DLGAP1: variants seen among roughly 807,000 people sequenced by gnomAD.
DLGAP1 encodes the protein DLG associated protein 1.
DLGAP1 carries 11 observed loss-of-function variants against 90.8 expected under a neutral mutation model. The ratio of observed to expected loss-of-function variants is 0.12; its 90% confidence interval spans 0.08 to 0.20. The LOEUF is 0.20. Among genes scored for constraint, DLGAP1 ranks in the 10% least tolerant of loss-of-function variants. The pLI is 1.00. For synonymous variants in DLGAP1, 558 were observed against 540.7 expected (o/e 1.03, Z -0.44); for missense variants, 1,050 against 1,333.8 (o/e 0.79, Z 3.31).
intron 1 of DLGAP1, among the ~76,000 whole-genome samples, chr18:4,367,849 AG>A (rs199822797): frequency 1.2e-4 from 18 of 151,522 alleles, no homozygotes; most frequent in African/African-American, 1.9e-4. Flanking sequence ...ACTCCATCTC[AG>A]AAAAAAAAAA....
chr18:4,108,643 G>T (rs1382491303), intron 2 of DLGAP1, among the ~76,000 whole-genome samples: 2 of 151,910 alleles, frequency 1.3e-5, no homozygotes, highest in Non-Finnish European at 2.9e-5. Context: ...GATTGGAAAT[G>T]ACTTCCTGTT....
intron 1 of DLGAP1, among the ~76,000 whole-genome samples, chr18:4,322,009 G>A (rs1324209576): frequency 6.6e-6 from 1 of 151,970 alleles, no homozygotes; most frequent in African/African-American, 2.4e-5. Context: ...AGACCAGCCT[G>A]GTCAACGTGG....
chr18:3,793,875 CCTT>C (rs2065862594), intron 5 of DLGAP1, among the ~76,000 whole-genome samples: 1 of 152,128 alleles, frequency 6.6e-6, no homozygotes, highest in Non-Finnish European at 1.5e-5. Context: ...TTAACTTTTT[CCTT>C]CTTAGCCGTT....
chr18:4,067,272 C>T (rs530845000), intron 2 of DLGAP1, among the ~76,000 whole-genome samples: 192 of 151,756 alleles, frequency 1.3e-3, no homozygotes, highest in Non-Finnish European at 1.8e-3. Context: ...CAACAGACAC[C>T]CATGACACAA....
At chr18:3,749,182 C>A (rs1291033307) in intron 5 of DLGAP1, among the ~76,000 whole-genome samples, 2 of 134,444 alleles carry the variant, frequency 1.5e-5, no homozygotes, top group South Asian at 2.7e-4. Flanking sequence ...CAGAGTCTCA[C>A]TCTGTTGCCC....
chr18:3,769,856 G>GA (rs397858507), intron 5 of DLGAP1, among the ~76,000 whole-genome samples: 3 of 150,706 alleles, frequency 2.0e-5, no homozygotes, highest in Non-Finnish European at 4.4e-5. Context: ...GGTGGGGGGG[G>GA]AAAACTGGGT....
At chr18:4,184,681 A>G (rs1395712969) in intron 1 of DLGAP1, among the ~76,000 whole-genome samples, 1 of 152,112 alleles carries the variant, frequency 6.6e-6, no homozygotes, top group African/African-American at 2.4e-5. Context: ...CTTTTAAGAT[A>G]AAAGGGAAAT....
At chr18:3,976,353 G>A (rs997466206) in intron 3 of DLGAP1, among the ~76,000 whole-genome samples, 5 of 11,332 alleles carry the variant, frequency 4.4e-4, no homozygotes, top group African/African-American at 1.6e-3. Flanking sequence ...GCAAAACTCT[G>A]TCTCAAAAAA....
chr18:4,049,918 C>A (rs2075108575), intron 2 of DLGAP1, among the ~76,000 whole-genome samples: 1 of 128,950 alleles, frequency 7.8e-6, no homozygotes, highest in South Asian at 2.4e-4. Flanking sequence ...AACGGTCCAT[C>A]CATCCATCCA....
chr18:4,400,094 C>T (rs1226934574), intron 1 of DLGAP1, among the ~76,000 whole-genome samples: 1 of 152,116 alleles, frequency 6.6e-6, no homozygotes, highest in East Asian at 1.9e-4. Flanking sequence ...CCCCGCCAGG[C>T]ATCCACCTGC....
chr18:3,563,872 C>T (rs2054287887), intron 9 of DLGAP1, among the ~76,000 whole-genome samples: 1 of 152,142 alleles, frequency 6.6e-6, no homozygotes, highest in Non-Finnish European at 1.5e-5. Context: ...TACTAGTGAG[C>T]CCATCAAAGA....
chr18:4,013,345 C>T (rs993551237), intron 2 of DLGAP1, among the ~76,000 whole-genome samples: 13 of 152,300 alleles, frequency 8.5e-5, no homozygotes, highest in Admixed American at 5.2e-4. Context: ...GTTTCCCTCA[C>T]ACAGGTAAGG....
chr18:3,934,364 A>G (rs2072587537), intron 3 of DLGAP1, among the ~76,000 whole-genome samples: 1 of 152,206 alleles, frequency 6.6e-6, no homozygotes, highest in African/African-American at 2.4e-5. Flanking sequence ...GAGTTAATTC[A>G]AACTCATAAT....
intron 7 of DLGAP1, among the ~76,000 whole-genome samples, chr18:3,625,846 G>A (rs1258205963): frequency 6.6e-6 from 1 of 152,178 alleles, no homozygotes; most frequent in Admixed American, 6.5e-5. Flanking sequence ...AACTACCAAT[G>A]TTGAACTAAC....
At chr18:4,240,535 T>C (rs1668978443) in intron 1 of DLGAP1, among the ~76,000 whole-genome samples, 1 of 152,152 alleles carries the variant, frequency 6.6e-6, no homozygotes, top group Non-Finnish European at 1.5e-5. Flanking sequence ...AAGTAGAACT[T>C]ATGTAAGACC....
chr18:4,196,451 C>G (rs2077499518), intron 1 of DLGAP1, among the ~76,000 whole-genome samples: 1 of 152,232 alleles, frequency 6.6e-6, no homozygotes, highest in African/African-American at 2.4e-5. Flanking sequence ...ATGTATTATT[C>G]ATTTATAAAA....
chr18:4,166,649 C>T (rs961029055), intron 1 of DLGAP1, among the ~76,000 whole-genome samples: 1 of 152,198 alleles, frequency 6.6e-6, no homozygotes, highest in Non-Finnish European at 1.5e-5. Context: ...GTAGAAACAC[C>T]ATCCACGTGT....
chr18:3,738,519 T>C (rs913005022), intron 6 of DLGAP1, among the ~76,000 whole-genome samples: 37 of 150,326 alleles, frequency 2.5e-4, no homozygotes, highest in African/African-American at 8.5e-4. Flanking sequence ...AAACAAGCAA[T>C]GGGGAAAGGA....
At chr18:3,776,177 G>A (rs1181958271) in intron 5 of DLGAP1, among the ~76,000 whole-genome samples, 3 of 152,196 alleles carry the variant, frequency 2.0e-5, no homozygotes, top group East Asian at 1.9e-4. Context: ...GTAACAGATC[G>A]TGTGCACTGA....
Sources: gnomAD v4.1 joint callset for allele counts (sites outside exome capture counted in the v4.1 genomes callset) on GRCh38, gnomAD v4.1.1 for gene constraint, MANE v1.5 for transcripts, NCBI Gene and HGNC (gene_info 2026-07-23, HGNC 2026-07-21) for gene names.